The following ME3 variants were observed in gnomAD, a reference collection of about 807,000 sequenced individuals.
The protein encoded by ME3 is NADP-dependent malic enzyme, mitochondrial.
ME3 carries 48 observed loss-of-function variants against 68.9 expected under a neutral mutation model. The observed-to-expected ratio is 0.70, with a 90% CI of 0.55 to 0.89. ME3 has a LOEUF of 0.89. ME3 is among the 40% of genes least tolerant of loss of function. The probability of loss-of-function intolerance (pLI) is 0.00; values close to 1 mark genes in which losing one functional copy is unlikely to be tolerated. For synonymous variants in ME3, 320 were observed against 318.8 expected, an observed-to-expected ratio of 1.00 and a Z score of -0.04; for missense variants, 675 against 797.4, an observed-to-expected ratio of 0.85 and a Z score of 1.85.
In ME3 at chr11:86,517,837, G is replaced by A. The variant is rs1417320758; in HGVS notation, c.468-8970C>T. Among the ~76,000 whole-genome samples the A allele has an allele frequency of 2.0e-5, 3 of 152,216 alleles. No individual in the cohort carries two copies. The East Asian group carries it at 5.8e-4, about 29-fold the overall frequency. ...GGCACATGGCAGGTACTCTATAAGTGATGTATGTGTTAGGTATGGTAAGTT... is the reference window on the plus strand; with the variant it reads ...GGCACATGGCAGGTACTCTATAAGTAATGTATGTGTTAGGTATGGTAAGTT... On this transcript the variant is annotated intron_variant, in intron 4 of 14. Coordinates refer to ENST00000543262, the Ensembl canonical transcript of ME3.
chr11:86,636,220 G>A (rs1944323705), intron 2 of ME3, among the ~76,000 whole-genome samples: 1 of 149,682 alleles, frequency 6.7e-6, no homozygotes, highest in Non-Finnish European at 1.5e-5. Flanking sequence ...CTCTGTGAGA[G>A]CTTAGGGATG....
intron 2 of ME3, among the ~76,000 whole-genome samples, chr11:86,634,495 TACCTGTGTCTCAGCAAAGTCGTGG>T (rs1944211645): frequency 6.6e-6 from 1 of 152,226 alleles, no homozygotes; most frequent in Admixed American, 6.5e-5. Flanking sequence ...TCGCTCAGCT[TACCTGTGTCTCAGCAAAGTCGTGG>T]ACTTTGGTTT....
chr11:86,576,105 T>C (rs1312588171), intron 2 of ME3, among the ~76,000 whole-genome samples: 3 of 152,234 alleles, frequency 2.0e-5, no homozygotes, highest in Non-Finnish European at 4.4e-5. Context: ...TAATAAGATA[T>C]GCCAAGTCTT....
intron 2 of ME3, among the ~76,000 whole-genome samples, chr11:86,569,907 T>C (rs1957694370): frequency 6.6e-6 from 1 of 152,240 alleles, no homozygotes; most frequent in Non-Finnish European, 1.5e-5. Context: ...GCTTCAAGAC[T>C]TGAAAGATTT....
intron 6 of ME3, among the ~76,000 whole-genome samples, chr11:86,492,600 C>T (rs1480118196): frequency 6.6e-6 from 1 of 152,170 alleles, no homozygotes; most frequent in Non-Finnish European, 1.5e-5. Context: ...TACTAAGTCC[C>T]CTTTGGAACC....
chr11:86,471,199 G>T (rs1470413800), intron 7 of ME3, among the ~76,000 whole-genome samples: 2 of 134,164 alleles, frequency 1.5e-5, no homozygotes, highest in East Asian at 4.4e-4. Context: ...TTACCAGGCT[G>T]GAGTGCAGTG....
intron 4 of ME3, among the ~76,000 whole-genome samples, chr11:86,554,769 G>C (rs1416887634): frequency 6.6e-6 from 1 of 152,180 alleles, no homozygotes; most frequent in Non-Finnish European, 1.5e-5. Context: ...TGAGTACACA[G>C]CATTACTTTC....
At position 86,526,749 on chromosome 11, in the gene ME3, G is replaced by A. The variant is rs192073855; in HGVS notation, c.468-17882C>T. Among the ~76,000 whole-genome samples, 280 of 152,326 alleles carry A rather than the reference G, an allele frequency of 1.8e-3. 1 individual carries two copies. The highest frequency in any genetic ancestry group is 3.4e-3 in the Middle Eastern group (1 of 294). Reference sequence around the variant, plus strand: ...TGCAGCCTCTGCTGCTGATACCCAGGCGAACAGGGTCTGGAGTGGACCTCC... The same window carrying A: ...TGCAGCCTCTGCTGCTGATACCCAGACGAACAGGGTCTGGAGTGGACCTCC... On this transcript the variant is annotated intron_variant, in intron 4 of 14. Coordinates refer to ENST00000543262, the Ensembl canonical transcript of ME3.
chr11:86,441,261 C>G (rs1339113853), exon 15 of ME3: 1 of 1,561,492 alleles, frequency 6.4e-7, no homozygotes, highest in Non-Finnish European at 8.6e-7. Context: ...TAGCCCCATA[C>G]TAGCCTCTGA....
intron 2 of ME3, among the ~76,000 whole-genome samples, chr11:86,597,525 C>T (rs1959711399): frequency 6.6e-6 from 1 of 152,224 alleles, no homozygotes; most frequent in African/African-American, 2.4e-5. Flanking sequence ...CTGTTGTCAG[C>T]TCCTTGTCCA....
At chr11:86,501,540 C>T (rs1952725197) in intron 5 of ME3, among the ~76,000 whole-genome samples, 1 of 152,188 alleles carries the variant, frequency 6.6e-6, no homozygotes, top group South Asian at 2.1e-4. Flanking sequence ...TCCTACTGTC[C>T]TCTCTAAGTA....
Position 86,608,379 on chromosome 11 carries a change from A to C in ME3, c.184-48556T>G, listed in dbSNP as rs925101522. ...CCACTCTGTAATGAAGCCCATTTCTACTAAAACAAAGTATGCATGAGATGG... is the reference window on the plus strand; with the variant it reads ...CCACTCTGTAATGAAGCCCATTTCTCCTAAAACAAAGTATGCATGAGATGG... On this transcript the variant is annotated intron_variant, in intron 2 of 14. Transcript: ENST00000543262. 6.6e-5 allele frequency among the ~76,000 whole-genome samples: 10 copies of C among 152,310 alleles called. No homozygotes were observed. In the South Asian group the frequency reaches 2.1e-3, roughly 32 times the overall value.
At chr11:86,533,353 CTG>C (rs1353689620) in intron 4 of ME3, among the ~76,000 whole-genome samples, 1 of 152,014 alleles carries the variant, frequency 6.6e-6, no homozygotes, top group Non-Finnish European at 1.5e-5. Flanking sequence ...TCATAAAAGA[CTG>C]TTATGAACAA....
At chr11:86,437,736 CTTAATT>C (rs1381974698), downstream of ME3, among the ~76,000 whole-genome samples, 1 of 151,800 alleles carries the variant, frequency 6.6e-6, no homozygotes, top group Admixed American at 6.6e-5. Context: ...AAATTGTTTT[CTTAATT>C]TTATTTTTAG....
At chr11:86,527,513 A>T (rs1442910224) in intron 4 of ME3, among the ~76,000 whole-genome samples, 1 of 152,162 alleles carries the variant, frequency 6.6e-6, no homozygotes, top group Admixed American at 6.5e-5. Context: ...GAATGCCACA[A>T]AGATAATCCT....
chr11:86,497,820 T>C, intron 6 of ME3, 143 bp downstream of exon 6: 9 of 967,558 alleles, frequency 9.3e-6, no homozygotes, highest in Non-Finnish European at 1.2e-5. Context: ...CACAACTGTG[T>C]AGGGGGAATG....
chr11:86,496,774 T>G (rs624843), intron 6 of ME3, among the ~76,000 whole-genome samples: 128,027 of 152,048 alleles, frequency 0.84, 54,134 homozygotes, highest in Non-Finnish European at 0.87. Context: ...CACTATGGAA[T>G]AATGGTTAAT....
intron 4 of ME3, among the ~76,000 whole-genome samples, chr11:86,543,566 C>A (rs1259026215): frequency 6.6e-6 from 1 of 152,170 alleles, no homozygotes; most frequent in African/African-American, 2.4e-5. Flanking sequence ...AAGGGCATTA[C>A]ATAATGGTAA....
intron 2 of ME3, among the ~76,000 whole-genome samples, chr11:86,654,952 AACAG>A (rs1945754892): frequency 6.6e-6 from 1 of 152,248 alleles, no homozygotes; most frequent in African/African-American, 2.4e-5. Flanking sequence ...ATACACAAAT[AACAG>A]ACAAACAGAG....
Sources: allele counts gnomAD v4.1 joint callset (sites outside exome capture counted in the v4.1 genomes callset), GRCh38; gene constraint gnomAD v4.1.1; transcripts MANE v1.5; gene names NCBI Gene and HGNC (gene_info 2026-07-23, HGNC 2026-07-21).